ME3: variants seen among roughly 807,000 people sequenced by gnomAD.
The protein encoded by ME3 is NADP-dependent malic enzyme, mitochondrial.
ME3 carries 48 observed loss-of-function variants against 68.9 expected under a neutral mutation model. The ratio of observed to expected loss-of-function variants is 0.70; its 90% confidence interval spans 0.55 to 0.89. The LOEUF is 0.89. Ranked by LOEUF, ME3 falls within the 40% of genes least tolerant of loss-of-function variation. ME3 has a pLI of 0.00. For missense variants in ME3, 675 were observed against 797.4 expected (o/e 0.85, Z 1.85); for synonymous variants, 320 against 318.8 (o/e 1.00, Z -0.04).
intron 7 of ME3, among the ~76,000 whole-genome samples, chr11:86,482,652 G>A (rs545648046): frequency 6.6e-6 from 1 of 151,186 alleles, no homozygotes; most frequent in African/African-American, 2.4e-5. Flanking sequence ...CCAGTTCCAG[G>A]TCTCATCCTT....
At chr11:86,651,740 A>G (rs1428761040) in intron 2 of ME3, among the ~76,000 whole-genome samples, 5 of 152,366 alleles carry the variant, frequency 3.3e-5, no homozygotes, top group African/African-American at 1.2e-4. Context: ...ATAAAGCTGG[A>G]TGGAGAATGA....
intron 5 of ME3, among the ~76,000 whole-genome samples, chr11:86,500,326 G>A (rs1407420960): frequency 6.6e-6 from 1 of 152,244 alleles, no homozygotes; most frequent in Non-Finnish European, 1.5e-5. Context: ...TGGTGACAGG[G>A]CTCTGTAGTG....
intron 2 of ME3, among the ~76,000 whole-genome samples, chr11:86,586,885 TAGAC>T (rs1247470207): frequency 2.0e-5 from 3 of 152,236 alleles, no homozygotes; most frequent in East Asian, 1.9e-4. Context: ...TTTTAGTTGA[TAGAC>T]AGAGTTGGAT....
chr11:86,531,234 A>G (rs1268659025), intron 4 of ME3, among the ~76,000 whole-genome samples: 2 of 152,292 alleles, frequency 1.3e-5, no homozygotes, highest in Non-Finnish European at 2.9e-5. Flanking sequence ...TGCAGCCAAA[A>G]GACACATCAA....
At chr11:86,469,910 C>T (rs1479489884) in intron 7 of ME3, among the ~76,000 whole-genome samples, 1 of 151,714 alleles carries the variant, frequency 6.6e-6, no homozygotes, top group Non-Finnish European at 1.5e-5. Context: ...GTGACCTGTG[C>T]CTGGGAGTTC....
intron 4 of ME3, among the ~76,000 whole-genome samples, chr11:86,542,453 G>A (rs1287850169): frequency 6.6e-6 from 1 of 152,116 alleles, no homozygotes; most frequent in Non-Finnish European, 1.5e-5. Context: ...ATTTAGAGAA[G>A]AACATAAATG....
chr11:86,635,085 G>A (rs941581394), intron 2 of ME3, among the ~76,000 whole-genome samples: 2 of 152,146 alleles, frequency 1.3e-5, no homozygotes, highest in African/African-American at 4.8e-5. Flanking sequence ...CAGATGGACC[G>A]TTTGAGCCCA....
intron 14 of ME3, among the ~76,000 whole-genome samples, chr11:86,441,946 C>T (rs548406765): frequency 9.2e-5 from 14 of 152,220 alleles, no homozygotes; most frequent in Admixed American, 2.0e-4. Flanking sequence ...AAGAAACTGA[C>T]GGGGTGAAGC....
chr11:86,583,842 G>T (rs1958579022), intron 2 of ME3, among the ~76,000 whole-genome samples: 1 of 152,184 alleles, frequency 6.6e-6, no homozygotes, highest in African/African-American at 2.4e-5. Flanking sequence ...TAAAATGTAA[G>T]ACCTGAAACT....
intron 6 of ME3, among the ~76,000 whole-genome samples, chr11:86,488,577 A>G (rs1393083419): frequency 6.6e-6 from 1 of 152,152 alleles, no homozygotes; most frequent in African/African-American, 2.4e-5. Context: ...AGCTCCTTCC[A>G]TCACAGCAGT....
At chr11:86,490,825 G>C (rs111750922) in intron 6 of ME3, among the ~76,000 whole-genome samples, 4 of 152,288 alleles carry the variant, frequency 2.6e-5, no homozygotes, top group African/African-American at 9.6e-5. Context: ...GAATCTTAGT[G>C]CATCAAGCAG....
intron 2 of ME3, among the ~76,000 whole-genome samples, chr11:86,657,145 T>G (rs756471980): frequency 1.9e-4 from 29 of 152,148 alleles, no homozygotes; most frequent in Middle Eastern, 3.2e-3. Context: ...TATAAATCAT[T>G]CTGCTATAAA....
chr11:86,531,727 T>C (rs1955247652), intron 4 of ME3, among the ~76,000 whole-genome samples: 1 of 149,962 alleles, frequency 6.7e-6, no homozygotes, highest in Non-Finnish European at 1.5e-5. Context: ...GAAACCATCA[T>C]TCTGAGCAAA....
intron 5 of ME3, among the ~76,000 whole-genome samples, chr11:86,502,259 C>CT (rs1420107882): frequency 6.6e-6 from 1 of 152,246 alleles, no homozygotes; most frequent in Non-Finnish European, 1.5e-5. Context: ...GGAAGCTTCC[C>CT]TTCTGAATTT....
At chr11:86,511,175 G>C (rs1953496883) in intron 4 of ME3, among the ~76,000 whole-genome samples, 2 of 152,138 alleles carry the variant, frequency 1.3e-5, no homozygotes, top group Admixed American at 1.3e-4. Context: ...ATCCACTCTT[G>C]CCTCTCTCCT....
intron 4 of ME3, among the ~76,000 whole-genome samples, chr11:86,542,319 A>G (rs1001225050): frequency 6.6e-6 from 1 of 152,258 alleles, no homozygotes; most frequent in Admixed American, 6.5e-5. Context: ...ATTAATTGAC[A>G]GAAGTAGGCT....
chr11:86,654,728 T>C (rs1464229112), intron 2 of ME3, among the ~76,000 whole-genome samples: 1 of 152,156 alleles, frequency 6.6e-6, no homozygotes, highest in Non-Finnish European at 1.5e-5. Flanking sequence ...TTCAACATAG[T>C]GTTGGAAGTT....
intron 7 of ME3, among the ~76,000 whole-genome samples, chr11:86,473,029 GC>G (rs1173372715): frequency 6.6e-6 from 1 of 152,250 alleles, no homozygotes; most frequent in African/African-American, 2.4e-5. Context: ...GCAGCTCAGG[GC>G]ACTGTGAGCA....
At chr11:86,450,102 C>A in intron 9 of ME3, 100 bp from the exon 10 acceptor site, 1 of 1,082,054 alleles carries the variant, frequency 9.2e-7, no homozygotes, top group Non-Finnish European at 1.4e-6. Context: ...TTTCCCCCAC[C>A]TCAATGACTC....
Sources: gnomAD v4.1 joint callset for allele counts (sites outside exome capture counted in the v4.1 genomes callset) on GRCh38, gnomAD v4.1.1 for gene constraint, MANE v1.5 for transcripts, NCBI Gene and HGNC (gene_info 2026-07-23, HGNC 2026-07-21) for gene names.